SLC22A6: variants seen among roughly 807,000 people sequenced by gnomAD.
SLC22A6 encodes the protein solute carrier family 22 member 6, also known as PAH transporter.
A neutral mutation model predicts 56.7 loss-of-function variants in SLC22A6; 45 were observed. The observed-to-expected ratio is 0.79, with a 90% CI of 0.63 to 1.02. The LOEUF (loss-of-function observed/expected upper bound fraction) is 1.02, where lower values mean the gene tolerates loss of function less well. Ranked by LOEUF, SLC22A6 falls within the 50% of genes least tolerant of loss-of-function variation. SLC22A6 has a pLI of 0.00. For synonymous variants in SLC22A6, 291 were observed against 295.9 expected, an observed-to-expected ratio of 0.98 and a Z score of 0.17; for missense variants, 606 against 713.8, an observed-to-expected ratio of 0.85 and a Z score of 1.72.
intron 8 of SLC22A6, among the ~76,000 whole-genome samples, chr11:62,978,693 G>A (rs1394453950): frequency 2.0e-5 from 3 of 149,808 alleles, no homozygotes; most frequent in Non-Finnish European, 4.4e-5. Flanking sequence ...CCGGGTTCAC[G>A]CCATTCTCCT....
chr11:62,981,076 C>A lies in SLC22A6; in HGVS notation c.946G>T (p.Glu316Ter), dbSNP rs868663730. Residue 316 changes from glutamate to a stop codon, truncating the protein, a stop_gained, in exon 6 of 10, where the codon GAG becomes TAG. Coordinates refer to ENST00000360421, the MANE Select transcript of SLC22A6 (RefSeq NM_153276.3). LOFTEE classifies it high-confidence loss of function. Reference sequence around the variant, plus strand: ...GCCTGGCCTTTGCCCATGGTCAGCTCCTTCTGCAGACTGGCCCGGAGTACC... The same window carrying A: ...GCCTGGCCTTTGCCCATGGTCAGCTACTTCTGCAGACTGGCCCGGAGTACC... ...MEVLRASLQKELTMGKGQASA... is the reference protein window; with the variant it reads ...MEVLRASLQK 6.2e-7 allele frequency: 1 copy of A among 1,612,444 alleles called. No individual in the cohort carries two copies.
Position 62,983,468 on chromosome 11 carries a change from G to A in SLC22A6, c.628+69C>T, listed in dbSNP as rs1319522234. ...GCAGGGCTCAGGAGGGGCAGGCTGG[G>A]AGGGGAGGCTGGAAAGGGGTTGCTG... On this transcript the variant is annotated intron_variant, in intron 3 of 9. Transcript: ENST00000360421. The surrounding 1 kb of genome is among the most constrained non-coding windows in gnomAD (Gnocchi z 4.5). The A allele has an allele frequency of 4.7e-6, 7 of 1,503,122 alleles. No individual in the cohort carries two copies. Among genetic ancestry groups the A allele is most frequent in the Non-Finnish European group, 6.3e-6 (7 of 1,108,818 alleles). 93.1% of individuals were successfully genotyped at this position (1,503,122 alleles called of 1,614,324 possible).
intron 4 of SLC22A6, among the ~76,000 whole-genome samples, 181 bp from the exon 5 acceptor site, chr11:62,981,564 A>C (rs1054147732): frequency 1.3e-5 from 2 of 152,146 alleles, no homozygotes; most frequent in Non-Finnish European, 2.9e-5. Flanking sequence ...GTAATGACAT[A>C]TTCCCCAATC....
intron 9 of SLC22A6, 115 bp from the exon 10 acceptor site, chr11:62,976,996 C>T: frequency 1.3e-6 from 2 of 1,501,544 alleles, no homozygotes; most frequent in Non-Finnish European, 1.8e-6. Flanking sequence ...GCTCTCTGCC[C>T]CAAATACCTA....
In SLC22A6 at chr11:62,979,815, A is replaced by G. The variant is rs1357405961; in HGVS notation, c.1171T>C (p.Ser391Pro). The G allele has an allele frequency of 6.2e-7, 1 of 1,614,068 alleles. No homozygotes were observed. The highest frequency in any genetic ancestry group is 8.5e-7 in the Non-Finnish European group (1 of 1,180,042). ...AKLVGFLVIN[S>P]LGRRPAQMAA... ...ATCTGGGCAGGCCGGCGACCCAGGGAGTTGATGACAAGGAAGCCCACAAGC... is the reference window on the plus strand; with the variant it reads ...ATCTGGGCAGGCCGGCGACCCAGGGGGTTGATGACAAGGAAGCCCACAAGC... The change falls in exon 7 of 10, where the codon TCC becomes CCC. Residue 391 changes from serine to proline, a missense_variant. Ser to Pro is a moderately conservative substitution (Grantham distance 74). Coordinates refer to ENST00000360421, the MANE Select transcript of SLC22A6 (RefSeq NM_153276.3).
At chr11:62,979,070 G>T (rs554422737) in intron 8 of SLC22A6, among the ~76,000 whole-genome samples, 4 of 152,238 alleles carry the variant, frequency 2.6e-5, no homozygotes, top group African/African-American at 9.6e-5. Context: ...ATTATCAGGA[G>T]TGAATCTTGA....
At position 62,981,129 on chromosome 11, in the gene SLC22A6, G is replaced by A. The variant is rs11568617; in HGVS notation, c.922-29C>T. On this transcript the variant is annotated intron_variant, in intron 5 of 9. Coordinates refer to ENST00000360421, the MANE Select transcript of SLC22A6 (RefSeq NM_153276.3). ...CTGGGACCGGCAGAGCTCAGGGCCC[G>A]GGATCCTCCCAAGGAGCTCCTCCCA... 4.4e-3 allele frequency: 6,996 copies of A among 1,607,516 alleles called. 257 individuals are homozygous for A. In the African/African-American group the frequency reaches 0.083, roughly 19 times the overall value.
intron 3 of SLC22A6, among the ~76,000 whole-genome samples, chr11:62,982,690 T>C (rs1033602260): frequency 1.3e-5 from 2 of 152,192 alleles, no homozygotes; most frequent in Non-Finnish European, 2.9e-5. Flanking sequence ...GGATTCCTCA[T>C]TTGGGAAACA....
At chr11:62,982,474 C>T (rs1281050478) in intron 3 of SLC22A6, among the ~76,000 whole-genome samples, 1 of 152,058 alleles carries the variant, frequency 6.6e-6, no homozygotes, top group Non-Finnish European at 1.5e-5. Flanking sequence ...GGCCTACCTC[C>T]TGTCCAGGTG....
At chr11:62,978,029 CTT>C (rs2086209705) in intron 8 of SLC22A6, among the ~76,000 whole-genome samples, 2 of 152,208 alleles carry the variant, frequency 1.3e-5, no homozygotes, top group African/African-American at 4.8e-5. Context: ...CTTAACCTCT[CTT>C]TGCCTCAGCT....
At chr11:62,982,444 T>A (rs928099407) in intron 3 of SLC22A6, among the ~76,000 whole-genome samples, 19 of 152,100 alleles carry the variant, frequency 1.2e-4, no homozygotes, top group African/African-American at 4.6e-4. Context: ...TGGGACCACC[T>A]CTCTGGTGTG....
chr11:62,976,979 G>A (rs964871860), intron 9 of SLC22A6, 98 bp from the exon 10 acceptor site: 100 of 1,508,006 alleles, frequency 6.6e-5, no homozygotes, highest in South Asian at 8.2e-5. Flanking sequence ...GCTATGCCTG[G>A]ACACCTGCTC....
intron 8 of SLC22A6, among the ~76,000 whole-genome samples, chr11:62,978,220 A>T (rs2086211885): frequency 6.6e-6 from 1 of 152,192 alleles, no homozygotes; most frequent in African/African-American, 2.4e-5. Flanking sequence ...TCAGGGTTCC[A>T]CTTTGCAGAC....
Position 62,984,848 on chromosome 11 carries a change from G to A in SLC22A6, c.-158C>T, listed in dbSNP as rs2086303299. 1.4e-6 allele frequency: 1 copy of A among 694,396 alleles called. No individual in the cohort carries two copies. Among genetic ancestry groups the A allele is most frequent in the Non-Finnish European group, 2.4e-6 (1 of 422,958 alleles). The allele number at this position is 694,396 out of a possible 1,614,324, so 43.0% of individuals were successfully genotyped here. On this transcript the variant is annotated 5_prime_UTR_variant, in exon 1 of 10. Coordinates refer to ENST00000360421, the MANE Select transcript of SLC22A6 (RefSeq NM_153276.3). ...CTGAGTCCGAGCTGCTCTGTGGGGG[G>A]ACAGCAGCCTCCTTGGCTGCTCCTC...
rs1278136122 is a variant in SLC22A6 at position 62,984,010 on chromosome 11, AG to A, written c.406del (p.Leu136TrpfsTer24). 6.2e-7 allele frequency: 1 copy of A among 1,613,890 alleles called. No individual in the cohort carries two copies. The highest frequency in any genetic ancestry group is 1.1e-5 in the South Asian group (1 of 91,028). On this transcript the variant is annotated frameshift_variant, in exon 2 of 10. Transcript: ENST00000360421. LOFTEE classifies it high-confidence loss of function. ...CCCCACCATGTACAAGGACTGGGCC[AG>A]CTGGCGTAGGGCCCTGTGAGAGCAC... ...LVCSHRALRQ[L>X]AQSLYMVGVL...
intron 6 of SLC22A6, 141 bp downstream of exon 6, chr11:62,980,843 GA>G: frequency 1.5e-6 from 1 of 660,000 alleles, no homozygotes; most frequent in South Asian, 2.1e-5. Flanking sequence ...GGTTCCTAAG[GA>G]TGATCCCTAG....
chr11:62,983,746 C>T lies in SLC22A6; in HGVS notation c.474-55G>A. On this transcript the variant is annotated intron_variant, in intron 2 of 9. Transcript: ENST00000360421. This position sits in a 1 kb window ranked among gnomAD's most constrained non-coding sequence, Gnocchi z 4.5. ...GCCCTGGAGACTGATGGGGGTCAGG[C>T]TGAGCCAGGAGAGGAGGGCTCACCC... is the stretch of plus-strand genomic sequence containing the variant. The T allele has an allele frequency of 1.3e-6, 2 of 1,542,096 alleles. No homozygotes were observed. The highest frequency in any genetic ancestry group is 2.5e-5 in the South Asian group (2 of 81,496).
In SLC22A6 at chr11:62,976,760, C is replaced by T. The variant is rs1206312079; in HGVS notation, c.*34G>A. The T allele has an allele frequency of 2.5e-6, 4 of 1,570,218 alleles. No homozygotes were observed. Among genetic ancestry groups the T allele is most frequent in the Admixed American group, 3.6e-5 (2 of 56,084 alleles). ...GCCGGAGACCTGTAGGACCTTCCCTCCCTTTAGGGTTCTGTAAGGCCCCTT... is the reference window on the plus strand; with the variant it reads ...GCCGGAGACCTGTAGGACCTTCCCTTCCTTTAGGGTTCTGTAAGGCCCCTT... On this transcript the variant is annotated 3_prime_UTR_variant, in exon 10 of 10. Transcript: ENST00000360421.
Position 62,981,369 on chromosome 11 carries a change from G to T in SLC22A6, c.812C>A (p.Ser271Ter), listed in dbSNP as rs765451388. ...FFIYSWFFIESARWHSSSGRL... is the reference protein window; with the variant it reads ...FFIYSWFFIE Reference sequence around the variant, plus strand: ...CCCGGAGGAGGAGTGCCAGCGGGCCGACTCAATGAAGAACCTGGGAGCGGG... The same window carrying T: ...CCCGGAGGAGGAGTGCCAGCGGGCCTACTCAATGAAGAACCTGGGAGCGGG... The change falls in exon 5 of 10, where the codon TCG becomes TAG. Residue 271 changes from serine (S) to a stop codon, truncating the protein, a stop_gained. Coordinates refer to ENST00000360421, the MANE Select transcript of SLC22A6 (RefSeq NM_153276.3). LOFTEE classifies it high-confidence loss of function. The T allele has an allele frequency of 2.2e-6, 3 of 1,336,214 alleles. No individual in the cohort carries two copies. The highest frequency in any genetic ancestry group is 2.4e-5 in the South Asian group (2 of 83,680). 82.8% of individuals were successfully genotyped at this position (1,336,214 alleles called of 1,614,324 possible). A position where few individuals can be genotyped will look rare whatever the true frequency, so the allele number is the denominator to read the frequency against.
Sources: allele counts gnomAD v4.1 joint callset (sites outside exome capture counted in the v4.1 genomes callset), GRCh38; gene constraint gnomAD v4.1.1; non-coding constraint Gnocchi (gnomAD v3.1); transcripts MANE v1.5; gene names NCBI Gene and HGNC (gene_info 2026-07-23, HGNC 2026-07-21).